MAP7D2: variants seen among roughly 807,000 people sequenced by gnomAD.
MAP7D2 encodes MAP7 domain-containing protein 2.
In MAP7D2, 33 loss-of-function variants were observed where a neutral mutation model predicts 63.5. The ratio of observed to expected loss-of-function variants is 0.52; its 90% confidence interval spans 0.39 to 0.70. MAP7D2 has a LOEUF of 0.70. Ranked by LOEUF, MAP7D2 falls within the 30% of genes least tolerant of loss-of-function variation. MAP7D2 has a pLI of 0.00. For synonymous variants in MAP7D2, 224 were observed against 223.7 expected (o/e 1.00, Z -0.01); for missense variants, 626 against 604.0 (o/e 1.04, Z -0.38).
chrX:20,012,541 C>G lies in MAP7D2; in HGVS notation c.1886-6G>C. ...GGTGTTCAATCCATTGATTTCTGATCGAGAACACAAAGTCCCTTGTGTTAA... is the reference window on the plus strand; with the variant it reads ...GGTGTTCAATCCATTGATTTCTGATGGAGAACACAAAGTCCCTTGTGTTAA... On this transcript the variant is annotated splice_polypyrimidine_tract_variant and splice_region_variant and intron_variant, in intron 14 of 16. Coordinates refer to ENST00000379643, the MANE Select transcript of MAP7D2 (RefSeq NM_001168465.2). The G allele has an allele frequency of 8.6e-7, 1 of 1,159,670 alleles. No homozygotes were observed. The highest frequency in any genetic ancestry group is 1.8e-5 in the African/African-American group (1 of 56,215).
At chrX:20,045,527 GAAAAAAA>G (rs1170223479) in intron 6 of MAP7D2, among the ~76,000 whole-genome samples, 4 of 18,014 alleles carry the variant, frequency 2.2e-4, no homozygotes, top group Admixed American at 9.5e-4. Flanking sequence ...ACCCCATCTC[GAAAAAAA>G]AAAAAAAAAA....
chrX:20,101,254 C>T (rs1035528913), intron 1 of MAP7D2, among the ~76,000 whole-genome samples: 2 of 111,956 alleles, frequency 1.8e-5, no homozygotes, highest in Non-Finnish European at 3.8e-5. Flanking sequence ...TGGCAATATC[C>T]GCTAATGCTG....
At chrX:20,068,052 C>T (rs1045138224) in intron 1 of MAP7D2, among the ~76,000 whole-genome samples, 5 of 112,247 alleles carry the variant, frequency 4.5e-5, no homozygotes, top group Non-Finnish European at 7.5e-5. Flanking sequence ...CCTCTCCTTG[C>T]TCATGCCACA....
Position 20,027,357 on chromosome X carries a change from G to T in MAP7D2, c.1008-1405C>A, listed in dbSNP as rs373680834. Among the ~76,000 whole-genome samples, 8 of 112,147 alleles carry T rather than the reference G, an allele frequency of 7.1e-5. No individual in the cohort carries two copies. In the South Asian group the frequency reaches 1.5e-3, roughly 21 times the overall value. ...TTTTCCAGGTACACTATATAACGCTGATCTTCTATTTTTTCCTAGACTTTT... is the reference window on the plus strand; with the variant it reads ...TTTTCCAGGTACACTATATAACGCTTATCTTCTATTTTTTCCTAGACTTTT... On this transcript the variant is annotated intron_variant, in intron 8 of 16. Transcript: ENST00000379643.
chrX:20,109,131 T>A (rs1192853464), intron 1 of MAP7D2, among the ~76,000 whole-genome samples: 1 of 107,261 alleles, frequency 9.3e-6, no homozygotes, highest in Non-Finnish European at 1.9e-5. Flanking sequence ...CTGAGCTAGA[T>A]CCTCAGAGGG....
intron 4 of MAP7D2, chrX:20,055,619 G>T: frequency 8.0e-6 from 3 of 376,607 alleles, no homozygotes; most frequent in Non-Finnish European, 1.3e-5. Context: ...AAAAAATTGT[G>T]ACAGGCCAGA....
chrX:20,029,866 C>G (rs1364297176), intron 8 of MAP7D2, among the ~76,000 whole-genome samples: 2 of 110,438 alleles, frequency 1.8e-5, no homozygotes, highest in Non-Finnish European at 3.8e-5. Flanking sequence ...TACAATCTGT[C>G]AAGTTTCCTG....
chrX:20,072,409 C>T (rs774341790), intron 1 of MAP7D2, among the ~76,000 whole-genome samples: 1 of 111,676 alleles, frequency 9.0e-6, no homozygotes, highest in Admixed American at 9.6e-5. Context: ...CTCTCGCCAA[C>T]CCTCCCTTTC....
intron 11 of MAP7D2, 60 bp downstream of exon 11, chrX:20,016,034 G>C: frequency 1.1e-6 from 1 of 939,048 alleles, no homozygotes; most frequent in African/African-American, 1.9e-5. Context: ...TTAACTAATT[G>C]TACCTACTAT....
chrX:20,021,771 C>T (rs758170656), intron 10 of MAP7D2, among the ~76,000 whole-genome samples: 1 of 112,335 alleles, frequency 8.9e-6, no homozygotes, highest in South Asian at 3.7e-4. Context: ...TAGAATCAAA[C>T]CTCAGCATCA....
chrX:20,078,565 A>G (rs1678436558), intron 1 of MAP7D2, among the ~76,000 whole-genome samples: 1 of 112,772 alleles, frequency 8.9e-6, no homozygotes, highest in Non-Finnish European at 1.9e-5. Context: ...ATCCCTGCTC[A>G]GCACACACTA....
chrX:20,012,788 A>G (rs2073247691), intron 14 of MAP7D2, among the ~76,000 whole-genome samples: 2 of 112,148 alleles, frequency 1.8e-5, no homozygotes, highest in African/African-American at 6.5e-5. Flanking sequence ...AAACCTGACC[A>G]GCAGTTAAGC....
At chrX:20,085,392 G>A (rs192176534) in intron 1 of MAP7D2, among the ~76,000 whole-genome samples, 1 of 112,089 alleles carries the variant, frequency 8.9e-6, no homozygotes, top group East Asian at 2.8e-4. Context: ...AAAAAATACA[G>A]CATTTCCCTA....
intron 1 of MAP7D2, among the ~76,000 whole-genome samples, chrX:20,097,869 T>C (rs1184776834): frequency 2.7e-5 from 3 of 111,246 alleles, no homozygotes; most frequent in East Asian, 2.8e-4. Flanking sequence ...TCAGCCAGAA[T>C]GAACTGTTCA....
chrX:20,111,073 G>A (rs1270202152), intron 1 of MAP7D2, among the ~76,000 whole-genome samples: 1 of 111,538 alleles, frequency 9.0e-6, no homozygotes, highest in Non-Finnish European at 1.9e-5. Context: ...GAAAGTCCAG[G>A]ACAGACTCTC....
intron 1 of MAP7D2, among the ~76,000 whole-genome samples, chrX:20,094,552 A>ATATATATGTG (rs2066193458): frequency 9.3e-5 from 1 of 10,796 alleles, no homozygotes; most frequent in African/African-American, 4.1e-4. Flanking sequence ...GTATATATAT[A>ATATATATGTG]TATATATATA....
At chrX:20,112,152 G>A (rs1179447430) in intron 1 of MAP7D2, among the ~76,000 whole-genome samples, 1 of 111,855 alleles carries the variant, frequency 8.9e-6, no homozygotes, top group Non-Finnish European at 1.9e-5. Context: ...ACATTCCAAA[G>A]GGTTGCCTGG....
chrX:20,090,423 A>C (rs1439048857), intron 1 of MAP7D2, among the ~76,000 whole-genome samples: 1 of 110,807 alleles, frequency 9.0e-6, no homozygotes, highest in African/African-American at 3.3e-5. Flanking sequence ...CAACACATGA[A>C]AAAATATTGA....
At chrX:20,042,910 G>A (rs2064699652) in intron 7 of MAP7D2, among the ~76,000 whole-genome samples, 1 of 112,069 alleles carries the variant, frequency 8.9e-6, no homozygotes, top group African/African-American at 3.2e-5. Flanking sequence ...TAGACATATA[G>A]GAACTGAAAA....
Sources: gnomAD v4.1 joint callset for allele counts (sites outside exome capture counted in the v4.1 genomes callset) on GRCh38, gnomAD v4.1.1 for gene constraint, MANE v1.5 for transcripts, NCBI Gene and HGNC (gene_info 2026-07-23, HGNC 2026-07-21) for gene names.